The following ZNF396 variants were observed in gnomAD, a reference collection of about 807,000 sequenced individuals.
ZNF396 encodes zinc finger and SCAN domain-containing protein 14.
A neutral mutation model predicts 20.5 loss-of-function variants in ZNF396; 14 were observed. That is an observed-to-expected ratio of 0.68 (90% confidence interval 0.45 to 1.07). The LOEUF (loss-of-function observed/expected upper bound fraction) is 1.07. Ranked by LOEUF, ZNF396 falls within the 50% of genes least tolerant of loss-of-function variation. ZNF396 has a pLI of 0.00. For synonymous variants in ZNF396, 119 were observed against 140.6 expected (o/e 0.85, Z 1.08); for missense variants, 347 against 390.1 (o/e 0.89, Z 0.93).
intron 3 of ZNF396, among the ~76,000 whole-genome samples, chr18:35,371,473 A>G (rs2045179600): frequency 6.6e-6 from 1 of 152,206 alleles, no homozygotes; most frequent in Non-Finnish European, 1.5e-5. Flanking sequence ...TCTTATAGTT[A>G]TGGAGGTTGA....
At chr18:35,373,770 A>G (rs1413784470) in intron 2 of ZNF396, 106 bp downstream of exon 2, 10 of 1,508,268 alleles carry the variant, frequency 6.6e-6, no homozygotes, top group Non-Finnish European at 8.9e-6. Flanking sequence ...ACCCCTATAC[A>G]TCCAGTTGTG....
chr18:35,372,133 T>C (rs754001131), intron 3 of ZNF396: 1 of 152,202 alleles, frequency 6.6e-6, no homozygotes, highest in East Asian at 1.9e-4. Flanking sequence ...GTTTCAAATT[T>C]CTACGAATCT....
Position 35,369,334 on chromosome 18 carries a change from G to A in ZNF396, c.889C>T (p.His297Tyr). Reference sequence around the variant, plus strand: ...TTCTCACCAGTATGGGTTCGTCGATGCTGAATCAGAATTGCGCTTCGGCTG... The same window carrying A: ...TTCTCACCAGTATGGGTTCGTCGATACTGAATCAGAATTGCGCTTCGGCTG... ...AFSRSAILIQHRRTHTGEKPY... is the reference protein window; with the variant it reads ...AFSRSAILIQYRRTHTGEKPY... Residue 297 changes from histidine (H) to tyrosine (Y), a missense_variant, in exon 4 of 4, where the codon CAT becomes TAT. By Grantham distance (83) the His-to-Tyr change is moderately conservative. Coordinates refer to ENST00000589332, the MANE Select transcript of ZNF396 (RefSeq NM_001322286.2). The A allele has an allele frequency of 6.2e-7, 1 of 1,614,210 alleles. No individual in the cohort carries two copies. The highest frequency in any genetic ancestry group is 8.5e-7 in the Non-Finnish European group (1 of 1,180,036).
At chr18:35,369,972 G>T (rs970804074) in intron 3 of ZNF396, among the ~76,000 whole-genome samples, 2 of 152,194 alleles carry the variant, frequency 1.3e-5, no homozygotes, top group Non-Finnish European at 2.9e-5. Flanking sequence ...TGGAGACACA[G>T]AGAGCTAGAA....
In ZNF396 at chr18:35,370,613, C is replaced by G; in HGVS notation, c.563-953G>C. Among the ~76,000 whole-genome samples, 2 of 143,234 alleles carry G rather than the reference C, an allele frequency of 1.4e-5. 1 individual carries two copies. Among genetic ancestry groups the G allele is most frequent in the East Asian group, 4.1e-4 (2 of 4,922 alleles). 94.0% of individuals were successfully genotyped at this position (143,234 alleles called of 152,430 possible). A position where few individuals can be genotyped will look rare whatever the true frequency, so the allele number is the denominator to read the frequency against. ...CTGCAAGCTCCGCCTCCCGGGTTCA[C>G]GCCATTCTCCTGCCTCAGTCTCCCA... On this transcript the variant is annotated intron_variant, in intron 3 of 3. Coordinates refer to ENST00000589332, the MANE Select transcript of ZNF396 (RefSeq NM_001322286.2).
chr18:35,368,922 A>T lies in ZNF396; in HGVS notation c.*293T>A. 1 of 1,164,122 alleles carries T rather than the reference A, an allele frequency of 8.6e-7. No individual in the cohort carries two copies. 72.1% of individuals were successfully genotyped at this position (1,164,122 alleles called of 1,614,324 possible). On this transcript the variant is annotated 3_prime_UTR_variant, in exon 4 of 4. Transcript: ENST00000589332. ...ATATACTAATTCATTATATGTGTTA[A>T]TAATGAAAATAGTAGAACATGTCTG...
rs920409634 is a variant in ZNF396 at position 35,368,759 on chromosome 18, T to A, written c.*456A>T. 6.1e-6 allele frequency: 6 copies of A among 989,290 alleles called. No homozygotes were observed. The African/African-American group carries it at 8.7e-5, about 14-fold the overall frequency. The allele number at this position is 989,290 out of a possible 1,614,324, so 61.3% of individuals were successfully genotyped here. A position where few individuals can be genotyped will look rare whatever the true frequency, so the allele number is the denominator to read the frequency against. On this transcript the variant is annotated 3_prime_UTR_variant, in exon 4 of 4. Coordinates refer to ENST00000589332, the MANE Select transcript of ZNF396 (RefSeq NM_001322286.2). Reference sequence around the variant, plus strand: ...GAGCCAACCGCACCCAGCCAGGAATTCTTTTTGAGTGCTTTAATTTTTGGT... The same window carrying A: ...GAGCCAACCGCACCCAGCCAGGAATACTTTTTGAGTGCTTTAATTTTTGGT...
rs1302226746 is a variant in ZNF396, at chr18:35,373,937, T to C, written c.356A>G (p.Asn119Ser). ...CAGCATAGTCACAGTTTCCTCTCCA[T>C]TCTCTGGATGATGCTTCTGCACCCA... ...QAWVQKHHPE[N>S]GEETVTMLED... Residue 119 changes from asparagine (N) to serine (S), a missense_variant, in exon 2 of 4, where the codon AAT becomes AGT. By Grantham distance (46) the Asn-to-Ser change is conservative. Coordinates refer to ENST00000589332, the MANE Select transcript of ZNF396 (RefSeq NM_001322286.2). 1.9e-6 allele frequency: 3 copies of C among 1,614,106 alleles called. No individual in the cohort carries two copies. Among genetic ancestry groups the C allele is most frequent in the Non-Finnish European group, 2.5e-6 (3 of 1,180,036 alleles).
intron 3 of ZNF396, among the ~76,000 whole-genome samples, chr18:35,370,587 A>G (rs1567954809): frequency 8.0e-6 from 1 of 124,862 alleles, no homozygotes; most frequent in African/African-American, 3.1e-5. Context: ...ATCTCGGCTC[A>G]CTGCAAGCTC....
chr18:35,369,527 A>G lies in ZNF396; in HGVS notation c.696T>C (p.Tyr232=), dbSNP rs2045144015. 1.2e-6 allele frequency: 2 copies of G among 1,614,122 alleles called. No homozygotes were observed. The highest frequency in any genetic ancestry group is 1.1e-5 in the South Asian group (1 of 91,086). The stretch of plus-strand genomic sequence containing the variant: ...TCTTTTCAAACCTACCATCTTGTTC[A>G]TAGGTTCCTCTATATGTGGAACTCT... ...GSQSSTYRGT[Y]EQDGRFEKRQ... The change falls in exon 4 of 4, where the codon TAT becomes TAC. Residue 232 remains tyrosine (Y), a synonymous_variant. Coordinates refer to ENST00000589332, the MANE Select transcript of ZNF396 (RefSeq NM_001322286.2).
chr18:35,367,330 T>C lies in ZNF396; in HGVS notation c.*1885A>G, dbSNP rs145191646. 62 of 152,362 alleles carry C rather than the reference T, an allele frequency of 4.1e-4. No individual in the cohort carries two copies. Among genetic ancestry groups the C allele is most frequent in the Admixed American group, 8.5e-4 (13 of 15,304 alleles). The allele number at this position is 152,362 out of a possible 1,614,324, so 9.4% of individuals were successfully genotyped here. On this transcript the variant is annotated 3_prime_UTR_variant, in exon 4 of 4. Transcript: ENST00000589332. ...ATCAGCATACTAACTAAGCAGAGTG[T>C]GGTAATTCCACATATTTGGAGCTCC...
intron 2 of ZNF396, 126 bp from the exon 3 acceptor site, chr18:35,373,726 C>T: frequency 2.0e-6 from 3 of 1,495,404 alleles, no homozygotes; most frequent in African/African-American, 2.8e-5. Context: ...AGTAGAGCCA[C>T]CTTCTATTTG....
rs547021614 is a variant in ZNF396 at position 35,375,671 on chromosome 18, G to T, written c.-72-1307C>A. On this transcript the variant is annotated intron_variant, in intron 1 of 3. Coordinates refer to ENST00000589332, the MANE Select transcript of ZNF396 (RefSeq NM_001322286.2). Reference sequence around the variant, plus strand: ...TTAGCTCGTTAGCAACAAAGTTGGGGGGGGACGGCACTTTCCTTTGTATCA... The same window carrying T: ...TTAGCTCGTTAGCAACAAAGTTGGGTGGGGACGGCACTTTCCTTTGTATCA... Among the ~76,000 whole-genome samples the T allele has an allele frequency of 1.2e-4, 18 of 152,140 alleles. 1 individual carries two copies. The South Asian group carries it at 3.1e-3, about 26-fold the overall frequency.
Position 35,369,631 on chromosome 18 carries a change from A to AT in ZNF396, c.591dup (p.Ser198IlefsTer32). On this transcript the variant is annotated frameshift_variant, in exon 4 of 4. Coordinates refer to ENST00000589332, the MANE Select transcript of ZNF396 (RefSeq NM_001322286.2). LOFTEE classifies it low-confidence loss of function (END_TRUNC). ...AAAGAAGTCTTTTGCCTTGAAGCAG[A>AT]TTTCACATTTGTAGTTTTGATGTCT... 6.2e-7 allele frequency: 1 copy of AT among 1,603,638 alleles called. No homozygotes were observed. The highest frequency in any genetic ancestry group is 8.5e-7 in the Non-Finnish European group (1 of 1,176,682).
rs373491981 is a variant in ZNF396 at position 35,372,647 on chromosome 18, T to G, written c.562+809A>C. On this transcript the variant is annotated intron_variant, in intron 3 of 3. Coordinates refer to ENST00000589332, the MANE Select transcript of ZNF396 (RefSeq NM_001322286.2). ...GGAGGGTCTCTGCTCAAATGTCGCT[T>G]CATCAGAGAGGCCTTTCTACCACTC... is the stretch of plus-strand genomic sequence containing the variant. The G allele has an allele frequency of 2.0e-5, 3 of 152,182 alleles. No homozygotes were observed. In the East Asian group the frequency reaches 5.8e-4, roughly 29 times the overall value. The allele number at this position is 152,182 out of a possible 1,614,324, so 9.4% of individuals were successfully genotyped here. A position where few individuals can be genotyped will look rare whatever the true frequency, so the allele number is the denominator to read the frequency against.
At position 35,367,744 on chromosome 18, in the gene ZNF396, C is replaced by T. The variant is rs917042865; in HGVS notation, c.*1471G>A. On this transcript the variant is annotated 3_prime_UTR_variant, in exon 4 of 4. Transcript: ENST00000589332. ...GCCAAATAAGATATCCCATAAATGTCTTAAAACTTATAAACTATAATGGTT... is the reference window on the plus strand; with the variant it reads ...GCCAAATAAGATATCCCATAAATGTTTTAAAACTTATAAACTATAATGGTT... 2 of 152,188 alleles carry T rather than the reference C, an allele frequency of 1.3e-5. No individual in the cohort carries two copies. The highest frequency in any genetic ancestry group is 3.2e-3 in the Middle Eastern group (1 of 316). 9.4% of individuals were successfully genotyped at this position (152,188 alleles called of 1,614,324 possible). A position where few individuals can be genotyped will look rare whatever the true frequency, so the allele number is the denominator to read the frequency against.
At position 35,368,530 on chromosome 18, in the gene ZNF396, C is replaced by A; in HGVS notation, c.*685G>T. ...TATTTATTTATTTTAAAGACGGAGTCTTGCTCTGTCTGAGCGGTTCAAGCA... is the reference window on the plus strand; with the variant it reads ...TATTTATTTATTTTAAAGACGGAGTATTGCTCTGTCTGAGCGGTTCAAGCA... On this transcript the variant is annotated 3_prime_UTR_variant, in exon 4 of 4. Coordinates refer to ENST00000589332, the MANE Select transcript of ZNF396 (RefSeq NM_001322286.2). 1 of 559,542 alleles carries A rather than the reference C, an allele frequency of 1.8e-6. No homozygotes were observed. Among genetic ancestry groups the A allele is most frequent in the Non-Finnish European group, 2.3e-6 (1 of 436,770 alleles). 34.7% of individuals were successfully genotyped at this position (559,542 alleles called of 1,614,324 possible).
chr18:35,369,722 G>A, intron 3 of ZNF396, 62 bp from the exon 4 acceptor site: 1 of 1,452,440 alleles, frequency 6.9e-7, no homozygotes, highest in Non-Finnish European at 9.3e-7. Context: ...AAATATACAT[G>A]ATTATTGCTA....
At position 35,374,726 on chromosome 18, in the gene ZNF396, A is replaced by G; in HGVS notation, c.-72-362T>C. On this transcript the variant is annotated intron_variant, in intron 1 of 3. Coordinates refer to ENST00000589332, the MANE Select transcript of ZNF396 (RefSeq NM_001322286.2). This position sits in a 1 kb window ranked among gnomAD's most constrained non-coding sequence, Gnocchi z 4.3. ...TGGCCAGGCTAGTCTCGAACTCCTG[A>G]CCTCAGGTGATCCACCCGCCTTGGC... The G allele has an allele frequency of 6.3e-6, 1 of 159,464 alleles. No homozygotes were observed. The highest frequency in any genetic ancestry group is 1.4e-5 in the Non-Finnish European group (1 of 71,798). The allele number at this position is 159,464 out of a possible 1,614,324, so 9.9% of individuals were successfully genotyped here.
Sources: allele counts gnomAD v4.1 joint callset (sites outside exome capture counted in the v4.1 genomes callset), GRCh38; gene constraint gnomAD v4.1.1; non-coding constraint Gnocchi (gnomAD v3.1); transcripts MANE v1.5; gene names NCBI Gene and HGNC (gene_info 2026-07-23, HGNC 2026-07-21).